ATP2C1: variants seen among roughly 807,000 people sequenced by gnomAD.
ATP2C1 encodes the protein calcium-transporting ATPase type 2C member 1.
Under a neutral mutation model 120.5 loss-of-function variants are expected in ATP2C1, and 31 were observed. The observed-to-expected ratio is 0.26, with a 90% CI of 0.19 to 0.35. The LOEUF is 0.35. ATP2C1 is among the 10% of genes least tolerant of loss of function. The pLI is 1.00. For synonymous variants in ATP2C1, 351 were observed against 358.7 expected, an observed-to-expected ratio of 0.98 and a Z score of 0.24; for missense variants, 731 against 1,107.5, an observed-to-expected ratio of 0.66 and a Z score of 4.83.
At chr3:130,961,105 A>G (rs1006998064) in intron 12 of ATP2C1, among the ~76,000 whole-genome samples, 4 of 152,058 alleles carry the variant, frequency 2.6e-5, no homozygotes, top group African/African-American at 9.7e-5. Context: ...AGGGGGTGAA[A>G]ATGCAATTTG....
intron 8 of ATP2C1, among the ~76,000 whole-genome samples, chr3:130,946,534 C>T (rs1486164105): frequency 6.6e-6 from 1 of 152,190 alleles, no homozygotes; most frequent in Admixed American, 6.5e-5. Flanking sequence ...CATTATGTTC[C>T]TATCTGTGAG....
chr3:130,984,757 T>G (rs1379806197), intron 20 of ATP2C1, among the ~76,000 whole-genome samples: 2 of 152,132 alleles, frequency 1.3e-5, no homozygotes, highest in Non-Finnish European at 2.9e-5. Flanking sequence ...AAAAATAATT[T>G]TAAAATAAAA....
At chr3:130,938,952 T>G (rs1293729135) in intron 6 of ATP2C1, among the ~76,000 whole-genome samples, 1 of 152,220 alleles carries the variant, frequency 6.6e-6, no homozygotes, top group Non-Finnish European at 1.5e-5. Context: ...CAAGATAGTG[T>G]TGTTATACAC....
chr3:130,865,298 C>T (rs1289250375), intron 1 of ATP2C1, among the ~76,000 whole-genome samples: 1 of 152,206 alleles, frequency 6.6e-6, no homozygotes, highest in Non-Finnish European at 1.5e-5. Context: ...AATACCTGTA[C>T]CTCCATTGTA....
intron 17 of ATP2C1, among the ~76,000 whole-genome samples, chr3:130,973,133 G>A (rs1456590783): frequency 6.6e-6 from 1 of 152,142 alleles, no homozygotes; most frequent in African/African-American, 2.4e-5. Context: ...AAGGGTAATA[G>A]GAATAGGTAA....
chr3:130,989,638 G>A (rs897246304), intron 20 of ATP2C1, among the ~76,000 whole-genome samples: 32 of 150,836 alleles, frequency 2.1e-4, no homozygotes, highest in African/African-American at 6.1e-4. Context: ...GCTCGAGCCC[G>A]TTCTACTCTA....
chr3:130,996,587 G>A (rs2062631521), intron 23 of ATP2C1, 93 bp from the exon 24 acceptor site: 1 of 864,620 alleles, frequency 1.2e-6, no homozygotes, highest in Non-Finnish European at 2.0e-6. Context: ...TAAAAGCATA[G>A]TAGTAAGAGA....
At chr3:130,969,538 C>A in intron 17 of ATP2C1, 142 bp downstream of exon 17, 1 of 691,636 alleles carries the variant, frequency 1.4e-6, no homozygotes, top group Non-Finnish European at 2.7e-6. Flanking sequence ...GTACACTCAT[C>A]TCTTAATTGT....
chr3:130,966,868 T>C (rs2061067868), intron 14 of ATP2C1, among the ~76,000 whole-genome samples: 1 of 152,192 alleles, frequency 6.6e-6, no homozygotes, highest in African/African-American at 2.4e-5. Flanking sequence ...TTAAGCTTAC[T>C]TATGTATATT....
intron 11 of ATP2C1, among the ~76,000 whole-genome samples, chr3:130,957,297 G>A (rs769862752): frequency 7.9e-5 from 12 of 152,042 alleles, no homozygotes; most frequent in Non-Finnish European, 1.0e-4. Flanking sequence ...AAACATTGTT[G>A]TATAGTTTTT....
intron 1 of ATP2C1, among the ~76,000 whole-genome samples, chr3:130,874,830 T>C (rs902563006): frequency 1.3e-5 from 2 of 152,186 alleles, no homozygotes; most frequent in Admixed American, 6.5e-5. Context: ...GACTGCTGCA[T>C]CTAATCCCCA....
At chr3:130,908,646 AATC>A (rs1214126945) in intron 2 of ATP2C1, among the ~76,000 whole-genome samples, 1 of 152,096 alleles carries the variant, frequency 6.6e-6, no homozygotes, top group Non-Finnish European at 1.5e-5. Context: ...TTTTCTGAAA[AATC>A]ATTAAGAATG....
chr3:130,996,347 T>G (rs955366393), intron 23 of ATP2C1: 1 of 584,022 alleles, frequency 1.7e-6, no homozygotes, highest in Non-Finnish European at 3.0e-6. Context: ...TTGTGATTTA[T>G]TTAATAGCTC....
intron 1 of ATP2C1, among the ~76,000 whole-genome samples, chr3:130,878,762 G>A (rs2068687926): frequency 6.6e-6 from 1 of 152,110 alleles, no homozygotes; most frequent in Non-Finnish European, 1.5e-5. Context: ...TATTCTGATG[G>A]GGATTCCTTT....
At chr3:130,923,111 G>A (rs1004223989) in intron 2 of ATP2C1, among the ~76,000 whole-genome samples, 8 of 152,128 alleles carry the variant, frequency 5.3e-5, no homozygotes, top group Non-Finnish European at 1.0e-4. Context: ...CTTAGGCATA[G>A]TAGTAATTGT....
chr3:130,878,035 A>G (rs2068663584), intron 1 of ATP2C1, among the ~76,000 whole-genome samples: 2 of 151,210 alleles, frequency 1.3e-5, no homozygotes, highest in Admixed American at 1.3e-4. Context: ...AACTATCACA[A>G]GGACACAAAA....
chr3:130,936,033 G>A (rs976822401), intron 5 of ATP2C1, among the ~76,000 whole-genome samples: 6 of 152,132 alleles, frequency 3.9e-5, no homozygotes, highest in Non-Finnish European at 7.4e-5. Context: ...TTAAATGAGC[G>A]AATCAGACCA....
chr3:130,985,747 CAGTTGCATGGAGAT>C (rs1560014050), intron 20 of ATP2C1, among the ~76,000 whole-genome samples: 1 of 150,494 alleles, frequency 6.6e-6, no homozygotes, highest in East Asian at 1.9e-4. Flanking sequence ...AAATGATGGA[CAGTTGCATGGAGAT>C]AGTCCATAAA....
At chr3:130,877,991 A>G (rs2068661546) in intron 1 of ATP2C1, among the ~76,000 whole-genome samples, 1 of 152,044 alleles carries the variant, frequency 6.6e-6, no homozygotes, top group Admixed American at 6.6e-5. Context: ...CTTTGTAGGG[A>G]CATGGATGAA....
Sources: allele counts gnomAD v4.1 joint callset (sites outside exome capture counted in the v4.1 genomes callset), GRCh38; gene constraint gnomAD v4.1.1; transcripts MANE v1.5; gene names NCBI Gene and HGNC (gene_info 2026-07-23, HGNC 2026-07-21).